Variants in ORC4 observed in about 807,000 individuals in gnomAD.
ORC4 encodes the protein origin recognition complex, subunit 4 homolog.
In ORC4, 55 loss-of-function variants were observed where a neutral mutation model predicts 63.9. That is an observed-to-expected ratio of 0.86 (90% CI 0.69 to 1.08). ORC4 has a LOEUF of 1.08. Among genes scored for constraint, ORC4 ranks in the 50% least tolerant of loss-of-function variants. The pLI, the probability that ORC4 is intolerant of heterozygous loss-of-function variation, is 0.00. For missense variants in ORC4, 511 were observed against 504.4 expected (o/e 1.01, Z -0.13); for synonymous variants, 150 against 168.5 (o/e 0.89, Z 0.85).
chr2:148,018,200 GT>G (rs1324594825), intron 1 of ORC4, among the ~76,000 whole-genome samples: 1 of 152,218 alleles, frequency 6.6e-6, no homozygotes, highest in Non-Finnish European at 1.5e-5. Flanking sequence ...CAAATAGCCG[GT>G]AAGTTTTTGA....
At chr2:147,990,258 A>C (rs1460847553) in intron 1 of ORC4, among the ~76,000 whole-genome samples, 2 of 152,240 alleles carry the variant, frequency 1.3e-5, no homozygotes, top group Non-Finnish European at 2.9e-5. Flanking sequence ...CAAATAACGT[A>C]AAATGAAAGG....
chr2:147,956,610 T>C (rs556517577), intron 6 of ORC4, among the ~76,000 whole-genome samples: 1 of 152,184 alleles, frequency 6.6e-6, no homozygotes, highest in Non-Finnish European at 1.5e-5. Context: ...CAAATTTATA[T>C]AATGAAGGAA....
At chr2:147,974,352 G>A (rs1386106675) in intron 2 of ORC4, among the ~76,000 whole-genome samples, 2 of 152,092 alleles carry the variant, frequency 1.3e-5, no homozygotes, top group Non-Finnish European at 2.9e-5. Flanking sequence ...TAAAAAAGGG[G>A]GCTGGCCGCT....
At chr2:147,962,096 T>C (rs1573796437) in intron 4 of ORC4, among the ~76,000 whole-genome samples, 1 of 151,490 alleles carries the variant, frequency 6.6e-6, no homozygotes, top group Non-Finnish European at 1.5e-5. Flanking sequence ...TCCAGGAGGG[T>C]AGTGTGTAGG....
Position 147,938,039 on chromosome 2 carries a change from C to T in ORC4, c.1122+107G>A, listed in dbSNP as rs1433321997. ...AATTTTCTTGTTTTGAAAAAAATCT[C>T]TATAATACTTAATGTTTAAAAATGA... On this transcript the variant is annotated intron_variant, in intron 13 of 13. Transcript: ENST00000392857. 12 of 785,344 alleles carry T rather than the reference C, an allele frequency of 1.5e-5. No homozygotes were observed. In the East Asian group the frequency reaches 3.2e-4, roughly 21 times the overall value. 48.6% of individuals were successfully genotyped at this position (785,344 alleles called of 1,614,324 possible).
rs550436665 is a variant in ORC4 at position 148,020,725 on chromosome 2, G to T, written c.-110C>A. 2 of 152,494 alleles carry T rather than the reference G, an allele frequency of 1.3e-5. No homozygotes were observed. The highest frequency in any genetic ancestry group is 2.9e-5 in the Non-Finnish European group (2 of 68,308). 9.4% of individuals were successfully genotyped at this position (152,494 alleles called of 1,614,324 possible). ...TAGACTTCACCTGCCGCTGCGGACCGTACACAACCACTCCCGGCATGCCCC... is the reference window on the plus strand; with the variant it reads ...TAGACTTCACCTGCCGCTGCGGACCTTACACAACCACTCCCGGCATGCCCC... On this transcript the variant is annotated 5_prime_UTR_variant, in exon 1 of 14. Coordinates refer to ENST00000392857, the MANE Select transcript of ORC4 (RefSeq NM_181741.4).
In ORC4 at chr2:147,978,830, A is replaced by G. The variant is rs1236527313; in HGVS notation, c.-17-2855T>C. Among the ~76,000 whole-genome samples the G allele has an allele frequency of 2.0e-4, 31 of 152,238 alleles. 1 individual carries two copies. Among genetic ancestry groups the G allele is most frequent in the Admixed American group, 2.0e-3 (31 of 15,288 alleles). On this transcript the variant is annotated intron_variant, in intron 1 of 13. Coordinates refer to ENST00000392857, the MANE Select transcript of ORC4 (RefSeq NM_181741.4). ...ATATGTAAATCTATAAATGTGATAT[A>G]ATGCATTAACAGAATGAAGGACAAA...
chr2:147,975,236 C>G (rs1377270548), intron 2 of ORC4, among the ~76,000 whole-genome samples: 7 of 152,080 alleles, frequency 4.6e-5, no homozygotes, highest in Admixed American at 2.6e-4. Context: ...AAGAGACATA[C>G]AGATAGATGC....
At chr2:147,987,076 G>T (rs1273717721) in intron 1 of ORC4, among the ~76,000 whole-genome samples, 4 of 151,176 alleles carry the variant, frequency 2.6e-5, no homozygotes, top group Non-Finnish European at 1.5e-5. Context: ...TATTGCACAA[G>T]CTGGATTTGA....
intron 1 of ORC4, among the ~76,000 whole-genome samples, chr2:148,008,722 G>A (rs1025843608): frequency 6.6e-6 from 1 of 152,006 alleles, no homozygotes; most frequent in Non-Finnish European, 1.5e-5. Flanking sequence ...TAGCCCGTGC[G>A]GTCTAACCCC....
chr2:147,953,737 G>C (rs1271257136), intron 7 of ORC4, among the ~76,000 whole-genome samples: 1 of 152,104 alleles, frequency 6.6e-6, no homozygotes, highest in Non-Finnish European at 1.5e-5. Flanking sequence ...TTCAATAATG[G>C]AAACAACTTT....
upstream of ORC4, chr2:148,021,402 T>G: frequency 2.1e-6 from 1 of 480,392 alleles, no homozygotes; most frequent in Non-Finnish European, 4.1e-6. Context: ...TCTTTGGCCG[T>G]GAGAGGAGGA....
In ORC4 at chr2:147,932,170, CAG is replaced by C. The variant is rs1334808698; in HGVS notation, c.*3338_*3339del. ...TTCTTATACACCAACAACAGACAAACAGAGAGCCAAATCATGAGTGAACTCCC... is the reference window on the plus strand; with the variant it reads ...TTCTTATACACCAACAACAGACAAACAGAGCCAAATCATGAGTGAACTCCC... On this transcript the variant is annotated 3_prime_UTR_variant, in exon 14 of 14. Transcript: ENST00000392857. 8 of 149,028 alleles carry C rather than the reference CAG, an allele frequency of 5.4e-5. No homozygotes were observed. In the East Asian group the frequency reaches 8.0e-4, roughly 15 times the overall value. The allele number at this position is 149,028 out of a possible 1,614,324, so 9.2% of individuals were successfully genotyped here.
At chr2:147,965,793 T>C (rs1470920005) in intron 4 of ORC4, among the ~76,000 whole-genome samples, 2 of 152,148 alleles carry the variant, frequency 1.3e-5, no homozygotes, top group Non-Finnish European at 2.9e-5. Context: ...ACACAGAAGA[T>C]TCTCCAAGAC....
chr2:147,994,312 A>T (rs1691804302), intron 1 of ORC4, among the ~76,000 whole-genome samples: 1 of 152,320 alleles, frequency 6.6e-6, no homozygotes, highest in African/African-American at 2.4e-5. Flanking sequence ...ATGCAATCCC[A>T]ATCAAAATTC....
rs191701430 is a variant in ORC4, at chr2:147,958,529, C to T, written c.302-146G>A. On this transcript the variant is annotated intron_variant, in intron 5 of 13. Transcript: ENST00000392857. ...CTTAAAACTTAGCAATAAAGACATT[C>T]GGTAGAATCAAAAAACAATCCTCCT... The T allele has an allele frequency of 6.6e-4, 421 of 637,102 alleles. 1 individual carries two copies. In the African/African-American group the frequency reaches 7.0e-3, roughly 11 times the overall value. The allele number at this position is 637,102 out of a possible 1,614,324, so 39.5% of individuals were successfully genotyped here. A position where few individuals can be genotyped will look rare whatever the true frequency, so the allele number is the denominator to read the frequency against.
chr2:148,011,473 T>G (rs1692965037), intron 1 of ORC4, among the ~76,000 whole-genome samples: 2 of 152,134 alleles, frequency 1.3e-5, no homozygotes, highest in South Asian at 4.1e-4. Flanking sequence ...GGATCATCCC[T>G]CAACATGATA....
At chr2:147,950,651 G>C (rs771409128) in intron 8 of ORC4, among the ~76,000 whole-genome samples, 1 of 151,810 alleles carries the variant, frequency 6.6e-6, no homozygotes, top group Non-Finnish European at 1.5e-5. Flanking sequence ...TGTAATCCCA[G>C]CTACTCGGGA....
At chr2:148,001,517 T>C (rs1212763083) in intron 1 of ORC4, among the ~76,000 whole-genome samples, 1 of 152,100 alleles carries the variant, frequency 6.6e-6, no homozygotes, top group African/African-American at 2.4e-5. Context: ...CTAAGCTTCA[T>C]AAGTGAAGGA....
Sources: gnomAD v4.1 joint callset for allele counts (sites outside exome capture counted in the v4.1 genomes callset) on GRCh38, gnomAD v4.1.1 for gene constraint, MANE v1.5 for transcripts, NCBI Gene and HGNC (gene_info 2026-07-23, HGNC 2026-07-21) for gene names.